Variants in SLC43A1 observed in about 807,000 individuals in gnomAD.
SLC43A1 encodes the protein large neutral amino acids transporter small subunit 3.
SLC43A1 carries 31 observed loss-of-function variants against 59.5 expected under a neutral mutation model. That is an observed-to-expected ratio of 0.52 (90% CI 0.39 to 0.70). SLC43A1 has a LOEUF of 0.70. Ranked by LOEUF, SLC43A1 falls within the 30% of genes least tolerant of loss-of-function variation. The pLI, the probability that SLC43A1 is intolerant of heterozygous loss-of-function variation, is 0.00. For synonymous variants in SLC43A1, 259 were observed against 290.9 expected, an observed-to-expected ratio of 0.89 and a Z score of 1.12; for missense variants, 598 against 717.8, an observed-to-expected ratio of 0.83 and a Z score of 1.91.
At chr11:57,497,950 C>A in intron 5 of SLC43A1, 105 bp from the exon 6 acceptor site, 1 of 765,210 alleles carries the variant, frequency 1.3e-6, no homozygotes, top group South Asian at 1.9e-5. Context: ...GCAGAAAAGC[C>A]CCAAGGTAAA....
At chr11:57,492,461 ATATATATAATT>A (rs977885521) in intron 8 of SLC43A1, among the ~76,000 whole-genome samples, 1 of 135,320 alleles carries the variant, frequency 7.4e-6, no homozygotes, top group Non-Finnish European at 1.5e-5. Flanking sequence ...TAATATAAAT[ATATATATAATT>A]TATATATAAA....
chr11:57,493,659 C>T (rs1018416289), intron 8 of SLC43A1, among the ~76,000 whole-genome samples: 5 of 152,144 alleles, frequency 3.3e-5, no homozygotes, highest in African/African-American at 4.8e-5. Context: ...AGGAGGCTCA[C>T]GGGCCTGGCT....
At chr11:57,499,796 T>G (rs1196398850) in intron 5 of SLC43A1, 4 of 151,682 alleles carry the variant, frequency 2.6e-5, no homozygotes, top group African/African-American at 9.7e-5. Context: ...GAGGAGCCGC[T>G]GGACAAGCCC....
In SLC43A1 at chr11:57,487,201, A is replaced by C; in HGVS notation, c.1427T>G (p.Phe476Cys). 6.2e-7 allele frequency: 1 copy of C among 1,613,726 alleles called. No individual in the cohort carries two copies. The highest frequency in any genetic ancestry group is 8.5e-7 in the Non-Finnish European group (1 of 1,179,760). Residue 476 changes from phenylalanine (F) to cysteine (C), a missense_variant, in exon 14 of 15, where the codon TTT becomes TGT. Coordinates refer to ENST00000278426, the MANE Select transcript of SLC43A1 (RefSeq NM_003627.6). The stretch of plus-strand genomic sequence containing the variant: ...GGACTGCAGGCCTGTCAGCGTCCCA[A>C]AGTGGTTGGATGGGAACCTGTCCAC... ...LYAAVFPSNHFGTLTGLQSLI... is the reference protein window; with the variant it reads ...LYAAVFPSNHCGTLTGLQSLI...
At chr11:57,496,839 T>C (rs1466370387) in intron 6 of SLC43A1, among the ~76,000 whole-genome samples, 1 of 152,214 alleles carries the variant, frequency 6.6e-6, no homozygotes, top group Non-Finnish European at 1.5e-5. Flanking sequence ...CCCCATACCA[T>C]CTGACCAGGA....
intron 12 of SLC43A1, 61 bp from the exon 13 acceptor site, chr11:57,489,050 G>A: frequency 6.4e-7 from 1 of 1,555,938 alleles, no homozygotes; most frequent in African/African-American, 1.4e-5. Flanking sequence ...GAGGAAGGAG[G>A]GGTAGGGCGA....
chr11:57,500,478 C>T (rs191559591), intron 5 of SLC43A1, among the ~76,000 whole-genome samples: 1 of 152,306 alleles, frequency 6.6e-6, no homozygotes, highest in East Asian at 1.9e-4. Context: ...GAGGATGACT[C>T]GGTCAGTCCT....
intron 7 of SLC43A1, 138 bp from the exon 8 acceptor site, chr11:57,494,309 G>A (rs1445835755): frequency 5.4e-6 from 4 of 740,968 alleles, no homozygotes; most frequent in Non-Finnish European, 6.4e-6. Flanking sequence ...TCCTAATGCA[G>A]AGCTTCTGTT....
chr11:57,499,161 A>G (rs977643649), intron 5 of SLC43A1, among the ~76,000 whole-genome samples: 3 of 152,080 alleles, frequency 2.0e-5, no homozygotes, highest in Non-Finnish European at 4.4e-5. Context: ...CGTCTCCACT[A>G]AAATACGAAA....
chr11:57,513,012 A>G (rs923555419), intron 2 of SLC43A1, among the ~76,000 whole-genome samples: 2 of 152,180 alleles, frequency 1.3e-5, no homozygotes, highest in African/African-American at 2.4e-5. Context: ...AGCAACGAGA[A>G]GGACACTAAC....
rs547440788 is a variant in SLC43A1, at chr11:57,514,191, G to A, written c.-13-67C>T. ...CCCCAGGGAAGGGTCCTGCATCATG[G>A]TGGCACCCGAGACCTCTCGGGCCAG... On this transcript the variant is annotated intron_variant, in intron 1 of 14. Coordinates refer to ENST00000278426, the MANE Select transcript of SLC43A1 (RefSeq NM_003627.6). The surrounding 1 kb of genome is among the most constrained non-coding windows in gnomAD (Gnocchi z 5.5). 6.8e-7 allele frequency: 1 copy of A among 1,473,536 alleles called. No homozygotes were observed. The highest frequency in any genetic ancestry group is 8.9e-7 in the Non-Finnish European group (1 of 1,120,650). 91.3% of individuals were successfully genotyped at this position (1,473,536 alleles called of 1,614,324 possible).
intron 7 of SLC43A1, 36 bp downstream of exon 7, chr11:57,495,985 GCCCTCTCTGC>G: frequency 6.2e-7 from 1 of 1,602,268 alleles, no homozygotes; most frequent in Non-Finnish European, 8.5e-7. Flanking sequence ...TATCACCACA[GCCCTCTCTGC>G]CCCAGGGAGA....
intron 8 of SLC43A1, among the ~76,000 whole-genome samples, chr11:57,492,568 ATAT>A (rs1943956907): frequency 7.1e-5 from 2 of 28,194 alleles, no homozygotes; most frequent in Non-Finnish European, 6.4e-5. Flanking sequence ...ATATATATAT[ATAT>A]ATAAAAAAAT....
chr11:57,513,921 C>T (rs1317181336), intron 2 of SLC43A1, 37 bp downstream of exon 2: 1 of 1,316,490 alleles, frequency 7.6e-7, no homozygotes, highest in South Asian at 1.3e-5. Flanking sequence ...CTTTGCCATC[C>T]CTCCCCCCAG....
In SLC43A1 at chr11:57,505,529, C is replaced by CA. The variant is rs545985716; in HGVS notation, c.155-4201dup. ...TCCATCTAAAAAAAACTAACAACAA[C>CA]AAAAAAAATAACAAAAAACGATACA... is the stretch of plus-strand genomic sequence containing the variant. On this transcript the variant is annotated intron_variant, in intron 2 of 14. Coordinates refer to ENST00000278426, the MANE Select transcript of SLC43A1 (RefSeq NM_003627.6). Among the ~76,000 whole-genome samples the CA allele has an allele frequency of 8.3e-3, 1,253 of 151,224 alleles. 15 individuals are homozygous for CA. Among genetic ancestry groups the CA allele is most frequent in the African/African-American group, 0.027 (1,088 of 41,030 alleles).
chr11:57,506,884 C>T (rs1944407103), intron 2 of SLC43A1, among the ~76,000 whole-genome samples: 1 of 152,166 alleles, frequency 6.6e-6, no homozygotes, highest in African/African-American at 2.4e-5. Flanking sequence ...TATTTGGGCA[C>T]TTATGCTGGA....
Position 57,501,005 on chromosome 11 carries a change from GC to G in SLC43A1, c.370del (p.Ala124ProfsTer11). On this transcript the variant is annotated frameshift_variant, in exon 4 of 15. Coordinates refer to ENST00000278426, the MANE Select transcript of SLC43A1 (RefSeq NM_003627.6). LOFTEE classifies it high-confidence loss of function. ...FTASCTLMAL[A>X]SRDVEALSPL... ...CAACTCACCTTCCACGTCCCGGGAG[GC>G]CAGGGCCATGAGGGTGCAGGACGCA... is the stretch of plus-strand genomic sequence containing the variant. 1 of 1,600,378 alleles carries G rather than the reference GC, an allele frequency of 6.2e-7. No homozygotes were observed. The highest frequency in any genetic ancestry group is 8.5e-7 in the Non-Finnish European group (1 of 1,173,268).
chr11:57,487,311 G>T, intron 13 of SLC43A1, 93 bp from the exon 14 acceptor site: 1 of 1,485,996 alleles, frequency 6.7e-7, no homozygotes, highest in Non-Finnish European at 9.2e-7. Flanking sequence ...GTCCCCGCTG[G>T]CCAGGCAGGG....
intron 11 of SLC43A1, among the ~76,000 whole-genome samples, chr11:57,489,701 C>A (rs1565124598): frequency 1.3e-5 from 2 of 152,168 alleles, no homozygotes; most frequent in Non-Finnish European, 2.9e-5. Flanking sequence ...GACAAATATC[C>A]CCCACTAAGT....
Sources: gnomAD v4.1 joint callset for allele counts (sites outside exome capture counted in the v4.1 genomes callset) on GRCh38, gnomAD v4.1.1 for gene constraint, Gnocchi (gnomAD v3.1) non-coding constraint, MANE v1.5 for transcripts, NCBI Gene and HGNC (gene_info 2026-07-23, HGNC 2026-07-21) for gene names.